The following CNTLN variants were observed in gnomAD, a reference collection of about 807,000 sequenced individuals.
CNTLN encodes centlein, centrosomal protein.
A neutral mutation model predicts 180.0 loss-of-function variants in CNTLN; 212 were observed. That is an observed-to-expected ratio of 1.18 (90% CI 1.05 to 1.32). The LOEUF is 1.32. CNTLN is among the 40% of genes most tolerant of loss of function. CNTLN has a pLI of 0.00. For missense variants in CNTLN, 2,095 were observed against 1,610.9 expected, an observed-to-expected ratio of 1.30 and a Z score of -5.14; for synonymous variants, 722 against 563.1, an observed-to-expected ratio of 1.28 and a Z score of -3.99.
At chr9:17,227,660 A>C (rs1269818981) in intron 3 of CNTLN, among the ~76,000 whole-genome samples, 1 of 152,006 alleles carries the variant, frequency 6.6e-6, no homozygotes, top group African/African-American at 2.4e-5. Flanking sequence ...TTTTATGAAA[A>C]GACTAAAAGT....
At chr9:17,346,578 A>T (rs1173400907) in intron 12 of CNTLN, among the ~76,000 whole-genome samples, 1 of 152,164 alleles carries the variant, frequency 6.6e-6, no homozygotes, top group African/African-American at 2.4e-5. Flanking sequence ...ATTGTTTCTG[A>T]TGCAACATGC....
chr9:17,514,873 C>G, the CNTLN span, among the ~76,000 whole-genome samples: 8 of 152,326 alleles, frequency 5.3e-5, no homozygotes, highest in African/African-American at 1.9e-4. Flanking sequence ...ACCTTTTCCA[C>G]TTGTTCCTTC....
At chr9:17,375,481 A>G (rs747185723) in intron 13 of CNTLN, among the ~76,000 whole-genome samples, 1 of 152,176 alleles carries the variant, frequency 6.6e-6, no homozygotes, top group African/African-American at 2.4e-5. Flanking sequence ...CCTGTGTATC[A>G]CATGTCATCT....
At chr9:17,490,478 T>A (rs1439071335) in intron 25 of CNTLN, among the ~76,000 whole-genome samples, 1 of 151,956 alleles carries the variant, frequency 6.6e-6, no homozygotes, top group Non-Finnish European at 1.5e-5. Context: ...ACAAAAGAAG[T>A]AAAGCCAGGC....
intron 3 of CNTLN, among the ~76,000 whole-genome samples, chr9:17,228,074 C>T (rs773512196): frequency 9.2e-5 from 14 of 152,112 alleles, no homozygotes; most frequent in Middle Eastern, 3.4e-3. Context: ...ACAAGTTTAG[C>T]GGTCCCTTCC....
intron 2 of CNTLN, among the ~76,000 whole-genome samples, chr9:17,202,644 C>CTGTTTTTTTTT (rs1822614552): frequency 1.1e-5 from 1 of 87,120 alleles, no homozygotes; most frequent in African/African-American, 5.3e-5. Flanking sequence ...ATTGCAACCT[C>CTGTTTTTTTTT]TGTTTTTTTT....
intron 2 of CNTLN, among the ~76,000 whole-genome samples, chr9:17,193,841 T>C (rs968197059): frequency 2.0e-5 from 3 of 152,232 alleles, no homozygotes; most frequent in Non-Finnish European, 4.4e-5. Context: ...GCGCCCGCCC[T>C]GCAACAAACT....
chr9:17,385,994 C>A (rs1825656952), intron 13 of CNTLN, among the ~76,000 whole-genome samples: 1 of 152,072 alleles, frequency 6.6e-6, no homozygotes, highest in African/African-American at 2.4e-5. Flanking sequence ...ATAAAAATAG[C>A]AATATTCTTT....
intron 8 of CNTLN, among the ~76,000 whole-genome samples, chr9:17,318,060 C>T (rs1646856830): frequency 1.3e-5 from 2 of 149,336 alleles, no homozygotes; most frequent in Non-Finnish European, 3.0e-5. Flanking sequence ...AGGAGTCTCA[C>T]TCTGTCGCCC....
At chr9:17,269,364 T>G (rs1409234146) in intron 5 of CNTLN, among the ~76,000 whole-genome samples, 1 of 152,152 alleles carries the variant, frequency 6.6e-6, no homozygotes, top group East Asian at 1.9e-4. Context: ...TTGTTGAGAT[T>G]TTTCTTCCTT....
In CNTLN at chr9:17,421,438, T is replaced by C. The variant is rs531952074; in HGVS notation, c.3114+5249T>C. Reference sequence around the variant, plus strand: ...CATGGAATATCTTTTTCTATCCCTTTATTTTCAGTCCATGTGCATCTTTAT... The same window carrying C: ...CATGGAATATCTTTTTCTATCCCTTCATTTTCAGTCCATGTGCATCTTTAT... On this transcript the variant is annotated intron_variant, in intron 18 of 25. Coordinates refer to ENST00000380647, the MANE Select transcript of CNTLN (RefSeq NM_017738.4). Among the ~76,000 whole-genome samples the C allele has an allele frequency of 5.3e-5, 8 of 152,236 alleles. No individual in the cohort carries two copies. In the South Asian group the frequency reaches 1.7e-3, roughly 32 times the overall value.
chr9:17,255,973 A>T (rs185614900), intron 5 of CNTLN, among the ~76,000 whole-genome samples: 121 of 152,024 alleles, frequency 8.0e-4, no homozygotes, highest in African/African-American at 2.7e-3. Flanking sequence ...ATTTTTTAGA[A>T]TACAGTTTTG....
chr9:17,354,642 T>C (rs538280375), intron 12 of CNTLN, among the ~76,000 whole-genome samples: 1 of 152,134 alleles, frequency 6.6e-6, no homozygotes, highest in East Asian at 1.9e-4. Flanking sequence ...AACCTTTGTA[T>C]CTAGCTCAGG....
intron 2 of CNTLN, among the ~76,000 whole-genome samples, chr9:17,145,920 A>G (rs895015126): frequency 6.6e-6 from 1 of 152,196 alleles, no homozygotes; most frequent in Admixed American, 6.5e-5. Flanking sequence ...CTTCAGCTGA[A>G]CATAATATTT....
chr9:17,143,585 A>T (rs1818252553), intron 2 of CNTLN, among the ~76,000 whole-genome samples: 2 of 152,204 alleles, frequency 1.3e-5, no homozygotes, highest in Admixed American at 1.3e-4. Context: ...ATATTCTGAC[A>T]TATTTGGAGA....
intron 2 of CNTLN, among the ~76,000 whole-genome samples, chr9:17,218,728 C>G (rs943226775): frequency 6.6e-6 from 1 of 152,046 alleles, no homozygotes; most frequent in African/African-American, 2.4e-5. Context: ...GTCTGTAAAT[C>G]AAAAATAACC....
At position 17,403,298 on chromosome 9, in the gene CNTLN, C is replaced by G. The variant is rs950218094; in HGVS notation, c.2616-5995C>G. On this transcript the variant is annotated intron_variant, in intron 15 of 25. Coordinates refer to ENST00000380647, the MANE Select transcript of CNTLN (RefSeq NM_017738.4). ...GTGGCTATGGCAACAGGTATAGCTT[C>G]TACATGGCACAGGTGTCCTGCCACT... 1.1e-4 allele frequency among the ~76,000 whole-genome samples: 16 copies of G among 151,974 alleles called. 1 individual carries two copies. The highest frequency in any genetic ancestry group is 3.9e-4 in the African/African-American group (16 of 41,312).
intron 18 of CNTLN, among the ~76,000 whole-genome samples, chr9:17,425,625 T>G (rs1829029059): frequency 6.6e-6 from 1 of 152,208 alleles, no homozygotes; most frequent in Non-Finnish European, 1.5e-5. Flanking sequence ...AGAAGATTTT[T>G]GAGGTGCATG....
rs113639600 is a variant in CNTLN at position 17,214,102 on chromosome 9, T to G, written c.450-12101T>G. Among the ~76,000 whole-genome samples the G allele has an allele frequency of 4.6e-5, 7 of 152,210 alleles. No individual in the cohort carries two copies. In the East Asian group the frequency reaches 5.8e-4, roughly 13 times the overall value. The stretch of plus-strand genomic sequence containing the variant: ...GTGAATTTGATCCTGTCATTATGAT[T>G]TTAGCTGGTTATTTTGCTTATTAGT... On this transcript the variant is annotated intron_variant, in intron 2 of 25. Transcript: ENST00000380647.
Sources: gnomAD v4.1 joint callset for allele counts (sites outside exome capture counted in the v4.1 genomes callset) on GRCh38, gnomAD v4.1.1 for gene constraint, MANE v1.5 for transcripts, NCBI Gene and HGNC (gene_info 2026-07-23, HGNC 2026-07-21) for gene names.